EXT1: variants seen among roughly 807,000 people sequenced by gnomAD.
The protein encoded by EXT1 is exostosin glycosyltransferase 1.
A neutral mutation model predicts 82.5 loss-of-function variants in EXT1; 20 were observed. The observed-to-expected ratio is 0.24, with a 90% CI of 0.17 to 0.35. The LOEUF (loss-of-function observed/expected upper bound fraction) is 0.35. Among genes scored for constraint, EXT1 ranks in the 10% least tolerant of loss-of-function variants. The pLI, the probability that EXT1 is intolerant of heterozygous loss-of-function variation, is 1.00. For missense variants in EXT1, 757 were observed against 936.5 expected (o/e 0.81, Z 2.50); for synonymous variants, 348 against 350.8 (o/e 0.99, Z 0.09).
chr8:117,963,729 A>C (rs1003093474), intron 1 of EXT1, among the ~76,000 whole-genome samples: 1 of 152,126 alleles, frequency 6.6e-6, no homozygotes, highest in Non-Finnish European at 1.5e-5. Flanking sequence ...ACCTCAGGTA[A>C]TCTGCCCACC....
intron 1 of EXT1, among the ~76,000 whole-genome samples, chr8:117,916,676 A>G (rs1157730091): frequency 5.3e-5 from 8 of 152,132 alleles, no homozygotes; most frequent in Non-Finnish European, 1.2e-4. Flanking sequence ...ACTTTGGGAC[A>G]CCAAGGCAGG....
At chr8:117,805,917 T>C (rs762776758) in intron 9 of EXT1, among the ~76,000 whole-genome samples, 1 of 152,208 alleles carries the variant, frequency 6.6e-6, no homozygotes, top group Non-Finnish European at 1.5e-5. Context: ...ATATATCCTT[T>C]TGGATGTCTT....
chr8:117,970,013 T>C (rs1188099846), intron 1 of EXT1, among the ~76,000 whole-genome samples: 1 of 152,186 alleles, frequency 6.6e-6, no homozygotes, highest in Non-Finnish European at 1.5e-5. Context: ...AAAAAAGCCA[T>C]GAGAATTTTA....
chr8:117,797,316 T>G lies in EXT1; in HGVS notation c.*2396A>C, dbSNP rs1283582619. The G allele has an allele frequency of 6.6e-6, 1 of 152,220 alleles. No individual in the cohort carries two copies. The highest frequency in any genetic ancestry group is 1.5e-5 in the Non-Finnish European group (1 of 68,040). 9.4% of individuals were successfully genotyped at this position (152,220 alleles called of 1,614,324 possible). ...TGACATAAAATGAAACTGTGGAGAT[T>G]TAAAGTGGATGAAAGGTGTGTTATA... On this transcript the variant is annotated 3_prime_UTR_variant, in exon 11 of 11. Coordinates refer to ENST00000378204, the MANE Select transcript of EXT1 (RefSeq NM_000127.3).
intron 1 of EXT1, among the ~76,000 whole-genome samples, chr8:118,013,957 A>C (rs1815954876): frequency 6.6e-6 from 1 of 152,198 alleles, no homozygotes; most frequent in Non-Finnish European, 1.5e-5. Flanking sequence ...CTGCGATTGA[A>C]TCCTGGCTCA....
At chr8:117,875,529 G>C (rs976500028) in intron 1 of EXT1, among the ~76,000 whole-genome samples, 2 of 152,072 alleles carry the variant, frequency 1.3e-5, no homozygotes, top group South Asian at 2.1e-4. Context: ...CTAGCCTCTT[G>C]TTTCTAAAAT....
intron 1 of EXT1, among the ~76,000 whole-genome samples, chr8:118,019,686 T>C (rs560700009): frequency 2.6e-5 from 4 of 152,392 alleles, no homozygotes; most frequent in South Asian, 2.1e-4. Context: ...TGAAGTTTTC[T>C]GTGTGTCACA....
At chr8:117,893,961 C>G (rs1008833030) in intron 1 of EXT1, among the ~76,000 whole-genome samples, 4 of 152,160 alleles carry the variant, frequency 2.6e-5, no homozygotes, top group Non-Finnish European at 5.9e-5. Context: ...CCCTGGCCTG[C>G]CTTCAGCACG....
chr8:117,994,285 TA>T (rs1433336626), intron 1 of EXT1, among the ~76,000 whole-genome samples: 2 of 152,104 alleles, frequency 1.3e-5, no homozygotes, highest in African/African-American at 4.8e-5. Flanking sequence ...GGTTTAAAAG[TA>T]AAGGCAGCAG....
intron 1 of EXT1, among the ~76,000 whole-genome samples, chr8:118,047,641 C>A (rs1163256420): frequency 1.3e-5 from 2 of 152,126 alleles, no homozygotes; most frequent in Non-Finnish European, 2.9e-5. Flanking sequence ...AACCTGAAGG[C>A]CTTCAGGATA....
chr8:118,012,495 G>A lies in EXT1; in HGVS notation c.962+97590C>T, dbSNP rs113824794. The stretch of plus-strand genomic sequence containing the variant: ...AGAGCAGATTTCCACAAGGCCACCC[G>A]ACAAGGCAGTCTCTAGGACAGAGAC... On this transcript the variant is annotated intron_variant, in intron 1 of 10. Transcript: ENST00000378204. 1.2e-3 allele frequency among the ~76,000 whole-genome samples: 188 copies of A among 152,300 alleles called. 1 individual carries two copies. Among genetic ancestry groups the A allele is most frequent in the African/African-American group, 4.4e-3 (184 of 41,566 alleles).
chr8:117,958,836 C>CT (rs1448292059), intron 1 of EXT1, among the ~76,000 whole-genome samples: 1 of 152,116 alleles, frequency 6.6e-6, no homozygotes, highest in East Asian at 1.9e-4. Context: ...GATTCAAGGC[C>CT]TTTTTTTCTT....
At chr8:117,921,341 G>C (rs1563601718) in intron 1 of EXT1, among the ~76,000 whole-genome samples, 1 of 152,154 alleles carries the variant, frequency 6.6e-6, no homozygotes, top group Non-Finnish European at 1.5e-5. Flanking sequence ...GACAGACCCA[G>C]TGAGACACAT....
rs1037674465 is a variant in EXT1 at position 117,796,396 on chromosome 8, G to A, written c.*3316C>T. On this transcript the variant is annotated 3_prime_UTR_variant, in exon 11 of 11. Coordinates refer to ENST00000378204, the MANE Select transcript of EXT1 (RefSeq NM_000127.3). ...TTTAATTAAAAAAAATAGTATATAG[G>A]CCTATTCACATTCATTCATCTCACC... The A allele has an allele frequency of 2.0e-5, 3 of 150,258 alleles. No homozygotes were observed. The highest frequency in any genetic ancestry group is 7.4e-5 in the African/African-American group (3 of 40,680). The allele number at this position is 150,258 out of a possible 1,614,324, so 9.3% of individuals were successfully genotyped here.
chr8:118,046,918 C>G (rs1816632009), intron 1 of EXT1, among the ~76,000 whole-genome samples: 1 of 152,122 alleles, frequency 6.6e-6, no homozygotes, highest in South Asian at 2.1e-4. Context: ...CCAAGACTTC[C>G]TGAAAATAAT....
chr8:117,977,522 A>C lies in EXT1; in HGVS notation c.962+132563T>G, dbSNP rs142986787. On this transcript the variant is annotated intron_variant, in intron 1 of 10. Transcript: ENST00000378204. ...ATGTGAAATGAAGTTAGAATGAGTTAATGATTTTAGAGGTAAAGATGATGT... is the reference window on the plus strand; with the variant it reads ...ATGTGAAATGAAGTTAGAATGAGTTCATGATTTTAGAGGTAAAGATGATGT... 1.3e-3 allele frequency among the ~76,000 whole-genome samples: 203 copies of C among 152,320 alleles called. 3 individuals are homozygous for C. Among genetic ancestry groups the C allele is most frequent in the South Asian group, 6.4e-3 (31 of 4,826 alleles).
intron 1 of EXT1, among the ~76,000 whole-genome samples, chr8:117,992,505 C>T (rs1384240756): frequency 6.9e-6 from 1 of 145,204 alleles, no homozygotes; most frequent in East Asian, 2.1e-4. Flanking sequence ...CTTGGCCCAA[C>T]ATCTTCTCCT....
At chr8:117,844,911 T>G (rs1812329112) in intron 1 of EXT1, among the ~76,000 whole-genome samples, 1 of 152,154 alleles carries the variant, frequency 6.6e-6, no homozygotes, top group Admixed American at 6.5e-5. Flanking sequence ...TGCCTGCTGT[T>G]AGAACTGCCA....
chr8:117,865,875 G>A (rs988312861), intron 1 of EXT1, among the ~76,000 whole-genome samples: 1 of 152,070 alleles, frequency 6.6e-6, no homozygotes, highest in Non-Finnish European at 1.5e-5. Context: ...AAAGGAAGAG[G>A]GTATTAGAGC....
Sources: gnomAD v4.1 joint callset for allele counts (sites outside exome capture counted in the v4.1 genomes callset) on GRCh38, gnomAD v4.1.1 for gene constraint, MANE v1.5 for transcripts, NCBI Gene and HGNC (gene_info 2026-07-23, HGNC 2026-07-21) for gene names.